Variants in GSK3B observed in about 807,000 individuals in gnomAD.
GSK3B encodes glycogen synthase kinase-3 beta.
A neutral mutation model predicts 56.4 loss-of-function variants in GSK3B; 15 were observed. The ratio of observed to expected loss-of-function variants is 0.27; its 90% CI spans 0.18 to 0.41. The LOEUF (loss-of-function observed/expected upper bound fraction) is 0.41, where lower values mean the gene tolerates loss of function less well. Among genes scored for constraint, GSK3B ranks in the 10% least tolerant of loss-of-function variants. The probability of loss-of-function intolerance (pLI) is 1.00; values close to 1 mark genes in which losing one functional copy is unlikely to be tolerated. For missense variants in GSK3B, 300 were observed against 513.4 expected (o/e 0.58, Z 4.02); for synonymous variants, 181 against 188.9 (o/e 0.96, Z 0.34).
At chr3:120,092,951 A>C (rs775750912) in intron 1 of GSK3B, among the ~76,000 whole-genome samples, 1 of 152,222 alleles carries the variant, frequency 6.6e-6, no homozygotes, top group Non-Finnish European at 1.5e-5. Flanking sequence ...AATTCCAAAA[A>C]TTCTGCAAAT....
intron 1 of GSK3B, among the ~76,000 whole-genome samples, chr3:120,005,651 C>A (rs2057720531): frequency 6.6e-6 from 1 of 152,118 alleles, no homozygotes; most frequent in Admixed American, 6.5e-5. Context: ...AATTTTCAAC[C>A]CAGAATTTCA....
chr3:119,980,370 A>T (rs1282513722), intron 2 of GSK3B, among the ~76,000 whole-genome samples: 1 of 151,432 alleles, frequency 6.6e-6, no homozygotes, highest in African/African-American at 2.4e-5. Context: ...TTTTTTTTTT[A>T]AGACAGAGTT....
intron 1 of GSK3B, among the ~76,000 whole-genome samples, chr3:120,090,343 CAATT>C (rs2058500503): frequency 1.3e-5 from 2 of 152,006 alleles, no homozygotes; most frequent in Non-Finnish European, 1.5e-5. Context: ...AGAAACTGTG[CAATT>C]AATAGACTAG....
At chr3:119,991,509 C>CAAAAAAA (rs1308535045) in intron 2 of GSK3B, among the ~76,000 whole-genome samples, 1 of 106,054 alleles carries the variant, frequency 9.4e-6, no homozygotes. Flanking sequence ...TTACTATTCA[C>CAAAAAAA]CAAAAAAAAA....
At chr3:119,960,745 T>C (rs2057263913) in intron 2 of GSK3B, among the ~76,000 whole-genome samples, 1 of 152,222 alleles carries the variant, frequency 6.6e-6, no homozygotes, top group African/African-American at 2.4e-5. Flanking sequence ...AACCCCTTCA[T>C]TACCTCAATC....
rs749014881 is a variant in GSK3B, at chr3:120,002,013, GC to G, written c.282+32del. ...CATTTATGGTATATGTATTACGACA[GC>G]AACAAAATATATGAAATACTGGACA... is the stretch of plus-strand genomic sequence containing the variant. On this transcript the variant is annotated intron_variant, in intron 2 of 10. Coordinates refer to ENST00000264235, the MANE Select transcript of GSK3B (RefSeq NM_001146156.2). The G allele has an allele frequency of 2.9e-6, 4 of 1,393,998 alleles. No individual in the cohort carries two copies. In the Admixed American group the frequency reaches 9.0e-5, roughly 31 times the overall value. 86.4% of individuals were successfully genotyped at this position (1,393,998 alleles called of 1,614,324 possible). A position where few individuals can be genotyped will look rare whatever the true frequency, so the allele number is the denominator to read the frequency against.
At chr3:119,965,048 T>C (rs985564506) in intron 2 of GSK3B, among the ~76,000 whole-genome samples, 26 of 149,526 alleles carry the variant, frequency 1.7e-4, no homozygotes, top group African/African-American at 6.1e-4. Context: ...CTTTTTTTTT[T>C]TTTTTTTTTA....
chr3:119,930,265 G>C (rs916705597), intron 3 of GSK3B, among the ~76,000 whole-genome samples: 7 of 152,066 alleles, frequency 4.6e-5, no homozygotes, highest in African/African-American at 1.4e-4. Context: ...TTTTATAAAT[G>C]ATTTCATTTA....
chr3:119,837,241 G>A (rs1258560854), intron 10 of GSK3B, among the ~76,000 whole-genome samples: 4 of 152,096 alleles, frequency 2.6e-5, no homozygotes, highest in South Asian at 2.1e-4. Flanking sequence ...TGCAAGCTCC[G>A]CCTCCCGGGT....
chr3:119,831,606 G>C (rs968690234), intron 10 of GSK3B, among the ~76,000 whole-genome samples: 1 of 148,522 alleles, frequency 6.7e-6, no homozygotes, highest in African/African-American at 2.5e-5. Flanking sequence ...GCAATGAGCC[G>C]AAATCATGCC....
intron 2 of GSK3B, among the ~76,000 whole-genome samples, chr3:119,968,836 G>C (rs2107513149): frequency 6.6e-6 from 1 of 152,220 alleles, no homozygotes; most frequent in South Asian, 2.1e-4. Context: ...TAAACAGTTA[G>C]AACTAATAAG....
intron 1 of GSK3B, among the ~76,000 whole-genome samples, chr3:120,062,330 G>C (rs1208217524): frequency 6.6e-6 from 1 of 152,050 alleles, no homozygotes. Flanking sequence ...TTACATGTTT[G>C]CTTCAAAAAT....
At chr3:120,013,704 T>C (rs535086151) in intron 1 of GSK3B, among the ~76,000 whole-genome samples, 1 of 152,350 alleles carries the variant, frequency 6.6e-6, no homozygotes, top group Non-Finnish European at 1.5e-5. Context: ...GGAAAGGCAC[T>C]GCCAATTATT....
chr3:119,922,224 A>G (rs368063093), intron 4 of GSK3B, among the ~76,000 whole-genome samples: 125 of 95,066 alleles, frequency 1.3e-3, no homozygotes, highest in African/African-American at 4.6e-3. Context: ...GAAGGAAGGA[A>G]GGAGGGAAGG....
At chr3:119,954,066 C>T (rs1466736436) in intron 2 of GSK3B, among the ~76,000 whole-genome samples, 1 of 152,024 alleles carries the variant, frequency 6.6e-6, no homozygotes, top group African/African-American at 2.4e-5. Context: ...GTTTTAAGAA[C>T]ATCTTTCTGT....
At position 119,889,024 on chromosome 3, in the gene GSK3B, T is replaced by C. The variant is rs139591643; in HGVS notation, c.814-12516A>G. ...AAGACAATACGTGCACTGCAGAACA[T>C]AGACCCTTATCAAAAGTTCTGCCTT... On this transcript the variant is annotated intron_variant, in intron 7 of 10. Coordinates refer to ENST00000264235, the MANE Select transcript of GSK3B (RefSeq NM_001146156.2). Among the ~76,000 whole-genome samples the C allele has an allele frequency of 2.4e-3, 365 of 152,248 alleles. 2 individuals carry two copies. Among genetic ancestry groups the C allele is most frequent in the African/African-American group, 7.7e-3 (319 of 41,566 alleles).
At chr3:119,942,265 A>G (rs1324594211) in intron 3 of GSK3B, among the ~76,000 whole-genome samples, 1 of 152,180 alleles carries the variant, frequency 6.6e-6, no homozygotes, top group African/African-American at 2.4e-5. Flanking sequence ...AATAAAATTT[A>G]AGGATCTTGT....
At chr3:119,912,626 T>A in intron 6 of GSK3B, 78 bp downstream of exon 6, 1 of 596,892 alleles carries the variant, frequency 1.7e-6, no homozygotes. Flanking sequence ...GAAATAAAAG[T>A]ACAGATTAGT....
rs571599726 is a variant in GSK3B at position 119,887,882 on chromosome 3, C to T, written c.814-11374G>A. Among the ~76,000 whole-genome samples, 7 of 152,088 alleles carry T rather than the reference C, an allele frequency of 4.6e-5. No individual in the cohort carries two copies. In the South Asian group the frequency reaches 1.5e-3, roughly 32 times the overall value. On this transcript the variant is annotated intron_variant, in intron 7 of 10. Coordinates refer to ENST00000264235, the MANE Select transcript of GSK3B (RefSeq NM_001146156.2). ...AAACACATTATAGACAGGGTATATA[C>T]AGGGTATCAACAGTTGACTTCTTAA...
Sources: gnomAD v4.1 joint callset for allele counts (sites outside exome capture counted in the v4.1 genomes callset) on GRCh38, gnomAD v4.1.1 for gene constraint, MANE v1.5 for transcripts, NCBI Gene and HGNC (gene_info 2026-07-23, HGNC 2026-07-21) for gene names.